FER: variants seen among roughly 807,000 people sequenced by gnomAD.
FER encodes the protein tyrosine-protein kinase Fer.
A neutral mutation model predicts 111.0 loss-of-function variants in FER; 63 were observed. That is an observed-to-expected ratio of 0.57 (90% confidence interval 0.46 to 0.70). The LOEUF (loss-of-function observed/expected upper bound fraction) is 0.70, where lower values mean the gene tolerates loss of function less well. Ranked by LOEUF, FER falls within the 30% of genes least tolerant of loss-of-function variation. The probability of loss-of-function intolerance (pLI) is 0.00; values close to 1 mark genes in which losing one functional copy is unlikely to be tolerated. For missense variants in FER, 914 were observed against 954.0 expected (o/e 0.96, Z 0.55); for synonymous variants, 327 against 313.9 (o/e 1.04, Z -0.44).
intron 2 of FER, chr5:108,784,307 A>G (rs2150004243): frequency 6.5e-6 from 1 of 152,868 alleles, no homozygotes; most frequent in East Asian, 1.9e-4. Flanking sequence ...TGACTTGGTC[A>G]CCTCCTCAGA....
intron 13 of FER, among the ~76,000 whole-genome samples, chr5:109,009,480 A>T (rs1765957334): frequency 6.6e-6 from 1 of 151,640 alleles, no homozygotes; most frequent in Admixed American, 6.6e-5. Context: ...CTTAAATTTA[A>T]CTCTCAAATG....
At chr5:108,884,564 C>G (rs942652525) in intron 9 of FER, among the ~76,000 whole-genome samples, 1 of 146,424 alleles carries the variant, frequency 6.8e-6, no homozygotes. Context: ...TCTACTTTCT[C>G]AGATTTTACA....
chr5:108,858,794 A>T (rs1763246123), intron 5 of FER, among the ~76,000 whole-genome samples: 1 of 133,304 alleles, frequency 7.5e-6, no homozygotes. Flanking sequence ...TTCTGTCCTC[A>T]CAGTCTCTTG....
intron 15 of FER, 45 bp from the exon 16 acceptor site, chr5:109,047,059 T>G (rs1316299218): frequency 7.7e-6 from 8 of 1,032,420 alleles, no homozygotes; most frequent in Non-Finnish European, 1.2e-5. Flanking sequence ...AATTAATGCT[T>G]TATTATTCAA....
rs757253816 is a variant in FER, at chr5:108,872,104, C to T, written c.815C>T (p.Ala272Val). The change falls in exon 8 of 20, where the codon GCT becomes GTT. Residue 272 changes from alanine (A) to valine (V), a missense_variant. By Grantham distance (64) the Ala-to-Val change is moderately conservative (BLOSUM62 0). This residue lies in a region of FER where 774 missense variants were observed against 782.6 expected (regional missense o/e 0.99). Coordinates refer to ENST00000281092, the MANE Select transcript of FER (RefSeq NM_005246.4). ...CCATGCTTTACTAGAACAACGGCTG[C>T]TAAAGAACAAGAAATAGAGTTTGAT... Reference protein sequence around the residue: ...NFIDVHRTTAAKEQEIEFDTS... With the variant: ...NFIDVHRTTAVKEQEIEFDTS... 1.2e-6 allele frequency: 2 copies of T among 1,609,548 alleles called. No individual in the cohort carries two copies. Among genetic ancestry groups the T allele is most frequent in the Non-Finnish European group, 1.7e-6 (2 of 1,178,076 alleles).
intron 16 of FER, among the ~76,000 whole-genome samples, chr5:109,085,236 C>G (rs890381662): frequency 2.6e-4 from 39 of 151,774 alleles, no homozygotes; most frequent in Admixed American, 9.2e-4. Context: ...TCTCCTTTCA[C>G]TTCTCTTAGA....
At chr5:108,907,532 A>G (rs972933697) in intron 10 of FER, among the ~76,000 whole-genome samples, 4 of 151,188 alleles carry the variant, frequency 2.6e-5, no homozygotes, top group South Asian at 4.2e-4. Flanking sequence ...TGACTTAGGG[A>G]TCCACCCGCC....
At chr5:108,755,934 C>G (rs1751049315) in intron 1 of FER, among the ~76,000 whole-genome samples, 1 of 150,162 alleles carries the variant, frequency 6.7e-6, no homozygotes, top group Non-Finnish European at 1.5e-5. Context: ...GGTGGATCAC[C>G]TGAGGTCAGG....
intron 3 of FER, among the ~76,000 whole-genome samples, chr5:108,803,333 T>G (rs2150057808): frequency 6.6e-6 from 1 of 152,332 alleles, no homozygotes; most frequent in South Asian, 2.1e-4. Context: ...CTCTTTAGTT[T>G]GATTAAGTCC....
chr5:109,086,993 A>T (rs977154015), intron 16 of FER, among the ~76,000 whole-genome samples: 2 of 147,988 alleles, frequency 1.4e-5, no homozygotes, highest in Non-Finnish European at 3.0e-5. Context: ...TACCAGTCAT[A>T]CTAGATTAGG....
At chr5:108,757,092 G>T (rs1751202091) in intron 1 of FER, among the ~76,000 whole-genome samples, 1 of 152,148 alleles carries the variant, frequency 6.6e-6, no homozygotes, top group Non-Finnish European at 1.5e-5. Flanking sequence ...TTGAACTTGG[G>T]TGTTTCATAC....
chr5:109,117,874 G>A (rs1236828696), intron 17 of FER, among the ~76,000 whole-genome samples: 1 of 151,918 alleles, frequency 6.6e-6, no homozygotes, highest in Non-Finnish European at 1.5e-5. Flanking sequence ...CTGAGACTTT[G>A]CTGAAGTTGC....
intron 2 of FER, among the ~76,000 whole-genome samples, chr5:108,773,773 T>A (rs527304018): frequency 2.6e-5 from 4 of 152,294 alleles, no homozygotes; most frequent in Non-Finnish European, 4.4e-5. Context: ...ATCGCCACAC[T>A]GTCTTCCACA....
intron 3 of FER, among the ~76,000 whole-genome samples, chr5:108,824,545 T>A (rs1372159524): frequency 1.3e-5 from 2 of 152,190 alleles, no homozygotes; most frequent in African/African-American, 4.8e-5. Context: ...ATGTATCGTA[T>A]TATTTTTGAT....
At chr5:109,131,388 A>G (rs868818718) in intron 17 of FER, among the ~76,000 whole-genome samples, 11 of 152,268 alleles carry the variant, frequency 7.2e-5, no homozygotes, top group African/African-American at 2.6e-4. Context: ...TGTCAATCTT[A>G]ATAATCCTTT....
At chr5:108,843,497 T>G (rs1462838731) in intron 5 of FER, among the ~76,000 whole-genome samples, 3 of 152,138 alleles carry the variant, frequency 2.0e-5, no homozygotes, top group South Asian at 2.1e-4. Context: ...GAAAAAGATG[T>G]GGACCCTACC....
At chr5:108,935,030 A>C (rs541164364) in intron 10 of FER, among the ~76,000 whole-genome samples, 1 of 152,146 alleles carries the variant, frequency 6.6e-6, no homozygotes, top group Non-Finnish European at 1.5e-5. Flanking sequence ...AATATATTAC[A>C]TATAGGGGTG....
chr5:109,092,055 A>G (rs1746837030), intron 16 of FER, among the ~76,000 whole-genome samples: 1 of 151,968 alleles, frequency 6.6e-6, no homozygotes, highest in African/African-American at 2.4e-5. Flanking sequence ...CTTTCAAGGT[A>G]CCAGCTTGGA....
At chr5:108,811,852 G>A (rs35940503) in intron 3 of FER, among the ~76,000 whole-genome samples, 7,975 of 152,216 alleles carry the variant, frequency 0.052, 297 homozygotes, top group Non-Finnish European at 0.075. Context: ...GAGAGAGAGT[G>A]AATTTGCCCT....
Sources: gnomAD v4.1 joint callset for allele counts (sites outside exome capture counted in the v4.1 genomes callset) on GRCh38, gnomAD v4.1.1 for gene constraint, gnomAD v4.1.1 regional missense constraint, MANE v1.5 for transcripts, NCBI Gene and HGNC (gene_info 2026-07-23, HGNC 2026-07-21) for gene names.